IL34: variants seen among roughly 807,000 people sequenced by gnomAD.
The protein encoded by IL34 is interleukin-34.
In IL34, 17 loss-of-function variants were observed where a neutral mutation model predicts 25.3. That is an observed-to-expected ratio of 0.67 (90% CI 0.46 to 1.01). The LOEUF (loss-of-function observed/expected upper bound fraction) is 1.01. IL34 is among the 50% of genes least tolerant of loss of function. The pLI is 0.00. For missense variants in IL34, 368 were observed against 312.9 expected (o/e 1.18, Z -1.33); for synonymous variants, 174 against 140.9 (o/e 1.23, Z -1.66).
intron 1 of IL34, among the ~76,000 whole-genome samples, chr16:70,603,973 C>G (rs1479143591): frequency 6.6e-6 from 1 of 152,142 alleles, no homozygotes; most frequent in Non-Finnish European, 1.5e-5. Context: ...ATTTGCCAGC[C>G]CTTGACTGTG....
At chr16:70,621,964 C>T (rs572997636) in intron 1 of IL34, among the ~76,000 whole-genome samples, 2 of 152,104 alleles carry the variant, frequency 1.3e-5, no homozygotes, top group East Asian at 1.9e-4. Flanking sequence ...GGCATATTCA[C>T]TTCTTTTGTG....
At chr16:70,624,648 C>G (rs567493798) in intron 1 of IL34, among the ~76,000 whole-genome samples, 2 of 152,110 alleles carry the variant, frequency 1.3e-5, no homozygotes, top group Non-Finnish European at 2.9e-5. Context: ...AAGGAGCATT[C>G]ACCTTGACTA....
chr16:70,654,273 A>T (rs1411107828), intron 1 of IL34: 3 of 328,166 alleles, frequency 9.1e-6, no homozygotes, highest in African/African-American at 2.1e-5. Flanking sequence ...CCAGACGTCG[A>T]CCCTGAGGCG....
chr16:70,656,440 G>C (rs1294001710), intron 2 of IL34, among the ~76,000 whole-genome samples, 162 bp from the exon 3 acceptor site: 1 of 152,164 alleles, frequency 6.6e-6, no homozygotes, highest in Non-Finnish European at 1.5e-5. Flanking sequence ...GATTGCTTGA[G>C]CCTGGGAGGT....
chr16:70,635,357 C>G (rs1171847269), intron 1 of IL34, among the ~76,000 whole-genome samples: 1 of 152,224 alleles, frequency 6.6e-6, no homozygotes. Flanking sequence ...CCAGCTGCTG[C>G]AGCCTACCCT....
chr16:70,626,360 A>T (rs946456854), intron 1 of IL34, among the ~76,000 whole-genome samples: 1 of 152,104 alleles, frequency 6.6e-6, no homozygotes, highest in African/African-American at 2.4e-5. Flanking sequence ...AAACCTTCCC[A>T]CTTTAAGAAA....
At chr16:70,634,658 C>G (rs760231331) in intron 1 of IL34, among the ~76,000 whole-genome samples, 1 of 150,024 alleles carries the variant, frequency 6.7e-6, no homozygotes, top group Non-Finnish European at 1.5e-5. Flanking sequence ...CCAGCCTGGG[C>G]GACAGAGCGA....
intron 1 of IL34, among the ~76,000 whole-genome samples, chr16:70,653,359 A>AG: frequency 6.6e-6 from 1 of 151,626 alleles, no homozygotes; most frequent in Non-Finnish European, 1.5e-5. Flanking sequence ...AAAAAAAAAA[A>AG]AAAAGCCCCA....
chr16:70,615,220 A>T (rs1014799673), intron 1 of IL34, among the ~76,000 whole-genome samples: 1 of 152,216 alleles, frequency 6.6e-6, no homozygotes, highest in Admixed American at 6.5e-5. Context: ...TCTTTTAAAG[A>T]TACACTGGCC....
chr16:70,592,952 C>G (rs964545802), intron 1 of IL34, among the ~76,000 whole-genome samples: 3 of 152,132 alleles, frequency 2.0e-5, no homozygotes, highest in Non-Finnish European at 4.4e-5. Flanking sequence ...CGTGCCGGCC[C>G]TATTTTTTAA....
At chr16:70,654,299 T>G (rs1195098759) in intron 1 of IL34, 1 of 388,148 alleles carries the variant, frequency 2.6e-6, no homozygotes, top group Non-Finnish European at 4.6e-6. Flanking sequence ...CCTGGGGGGC[T>G]CCAGTGGCCG....
intron 1 of IL34, among the ~76,000 whole-genome samples, chr16:70,650,811 T>C (rs1003686086): frequency 1.3e-5 from 2 of 152,138 alleles, no homozygotes; most frequent in Non-Finnish European, 2.9e-5. Flanking sequence ...ACCTGTGCCT[T>C]AACGAGCTCT....
chr16:70,624,276 T>A (rs60890390), intron 1 of IL34, among the ~76,000 whole-genome samples: 4 of 150,826 alleles, frequency 2.7e-5, no homozygotes, highest in African/African-American at 7.5e-5. Flanking sequence ...TCTGGAGGAA[T>A]ACCTGGCTGC....
intron 1 of IL34, among the ~76,000 whole-genome samples, chr16:70,629,301 T>G (rs1052966145): frequency 1.3e-5 from 2 of 152,338 alleles, no homozygotes; most frequent in South Asian, 4.1e-4. Flanking sequence ...TTCTAAGTTA[T>G]GCAAAATGCT....
intron 4 of IL34, 39 bp downstream of exon 4, chr16:70,657,160 T>C (rs541388831): frequency 3.8e-6 from 6 of 1,594,506 alleles, no homozygotes; most frequent in East Asian, 2.2e-5. Flanking sequence ...GGTGTGTGTG[T>C]GTGCACACGT....
upstream of IL34, among the ~76,000 whole-genome samples, chr16:70,643,974 C>T (rs2151865928): frequency 6.6e-6 from 1 of 152,114 alleles, no homozygotes; most frequent in South Asian, 2.1e-4. Context: ...GAAGAGTGAT[C>T]ATTTTTTTCT....
At chr16:70,656,781 TG>T in intron 3 of IL34, 102 bp downstream of exon 3, 1 of 961,032 alleles carries the variant, frequency 1.0e-6, no homozygotes. Flanking sequence ...GCTGCTGGCC[TG>T]GGGCCTCTCC....
intron 1 of IL34, among the ~76,000 whole-genome samples, chr16:70,647,924 C>T (rs1462224134): frequency 1.3e-5 from 2 of 152,128 alleles, no homozygotes; most frequent in East Asian, 3.9e-4. Flanking sequence ...TGGAAATGGT[C>T]TAGAAGGTGG....
chr16:70,646,109 T>C (rs1048461458), upstream of IL34, among the ~76,000 whole-genome samples: 27 of 152,208 alleles, frequency 1.8e-4, no homozygotes, highest in East Asian at 5.8e-4. Flanking sequence ...GAGGTCTTAC[T>C]ATGCTGACCA....
Sources: gnomAD v4.1 joint callset for allele counts (sites outside exome capture counted in the v4.1 genomes callset) on GRCh38, gnomAD v4.1.1 for gene constraint, MANE v1.5 for transcripts, NCBI Gene and HGNC (gene_info 2026-07-23, HGNC 2026-07-21) for gene names.